PCMTD1: variants seen among roughly 807,000 people sequenced by gnomAD.
PCMTD1 encodes protein-L-isoaspartate (D-aspartate) O-methyltransferase domain containing 1.
In PCMTD1, 12 loss-of-function variants were observed where a neutral mutation model predicts 37.6. The observed-to-expected ratio is 0.32, with a 90% CI of 0.20 to 0.52. PCMTD1 has a LOEUF of 0.52. Among genes scored for constraint, PCMTD1 ranks in the 20% least tolerant of loss-of-function variants. The pLI is 0.97. For missense variants in PCMTD1, 235 were observed against 421.3 expected (o/e 0.56, Z 3.87); for synonymous variants, 117 against 135.8 (o/e 0.86, Z 0.96).
intron 1 of PCMTD1, among the ~76,000 whole-genome samples, chr8:51,894,449 G>C (rs1452479480): frequency 6.6e-6 from 1 of 152,172 alleles, no homozygotes; most frequent in Non-Finnish European, 1.5e-5. Flanking sequence ...AAGAAGACAT[G>C]GTTGGGATTC....
chr8:51,880,385 A>T (rs2038775077), intron 1 of PCMTD1, among the ~76,000 whole-genome samples: 1 of 152,218 alleles, frequency 6.6e-6, no homozygotes, highest in African/African-American at 2.4e-5. Context: ...AACTTATTGA[A>T]AAAGGTATAG....
At chr8:51,892,967 A>T (rs957900874) in intron 1 of PCMTD1, among the ~76,000 whole-genome samples, 4 of 152,248 alleles carry the variant, frequency 2.6e-5, no homozygotes. Context: ...GTATCACTTA[A>T]AATTTGCAAC....
At chr8:51,896,267 T>C (rs2038999441) in intron 1 of PCMTD1, 1 of 152,190 alleles carries the variant, frequency 6.6e-6, no homozygotes, top group Admixed American at 6.5e-5. Context: ...TCCAACTATG[T>C]AGTTGCCACA....
intron 1 of PCMTD1, among the ~76,000 whole-genome samples, chr8:51,863,604 T>C (rs1200750122): frequency 6.6e-6 from 1 of 152,296 alleles, no homozygotes; most frequent in Non-Finnish European, 1.5e-5. Context: ...CTGGCCAGCA[T>C]GGCGAAATCC....
intron 1 of PCMTD1, among the ~76,000 whole-genome samples, chr8:51,870,607 C>CT: frequency 6.6e-6 from 1 of 152,116 alleles, no homozygotes; most frequent in Non-Finnish European, 1.5e-5. Context: ...TGCTCTAGTT[C>CT]TTTACCATAC....
intron 1 of PCMTD1, among the ~76,000 whole-genome samples, chr8:51,878,249 G>GTTTT (rs1563359262): frequency 7.3e-6 from 1 of 137,190 alleles, no homozygotes; most frequent in Non-Finnish European, 1.6e-5. Context: ...TTTTTTTTTT[G>GTTTT]GTTTTTTTTT....
chr8:51,851,005 CTAAG>C (rs1173589387), intron 2 of PCMTD1, among the ~76,000 whole-genome samples: 1 of 152,146 alleles, frequency 6.6e-6, no homozygotes, highest in Non-Finnish European at 1.5e-5. Context: ...CGGCGAAAGG[CTAAG>C]TAATTATTAC....
intron 1 of PCMTD1, among the ~76,000 whole-genome samples, chr8:51,898,513 A>G (rs539488325): frequency 3.3e-5 from 5 of 152,120 alleles, no homozygotes; most frequent in African/African-American, 1.2e-4. Context: ...AAACGGCCCT[A>G]AGGGGCCCGC....
intron 1 of PCMTD1, among the ~76,000 whole-genome samples, chr8:51,883,754 G>C (rs903097139): frequency 1.3e-5 from 2 of 152,118 alleles, no homozygotes; most frequent in Admixed American, 6.5e-5. Flanking sequence ...TTGAATTACT[G>C]TGACAAAAGC....
chr8:51,852,575 A>G (rs775439738), intron 2 of PCMTD1, among the ~76,000 whole-genome samples: 2 of 152,194 alleles, frequency 1.3e-5, no homozygotes, highest in Admixed American at 6.5e-5. Context: ...ATCCCTATAA[A>G]GCGGTATGTA....
chr8:51,834,314 C>T (rs1341706606), intron 3 of PCMTD1, among the ~76,000 whole-genome samples: 7 of 152,186 alleles, frequency 4.6e-5, no homozygotes, highest in Middle Eastern at 3.4e-3. Context: ...GCTTTGGCCC[C>T]GATGATCTCC....
Position 51,856,773 on chromosome 8 carries a change from G to C in PCMTD1, c.307+4072C>G, listed in dbSNP as rs943849327. Among the ~76,000 whole-genome samples, 3 of 152,188 alleles carry C rather than the reference G, an allele frequency of 2.0e-5. No individual in the cohort carries two copies. In the East Asian group the frequency reaches 5.8e-4, roughly 29 times the overall value. Reference sequence around the variant, plus strand: ...GATTCAGAAGACCATATATTGTTATGATTTCATTTATATGAAATGTCCAGA... The same window carrying C: ...GATTCAGAAGACCATATATTGTTATCATTTCATTTATATGAAATGTCCAGA... On this transcript the variant is annotated intron_variant, in intron 2 of 5. Coordinates refer to ENST00000522514, the MANE Select transcript of PCMTD1 (RefSeq NM_052937.4).
chr8:51,833,495 A>C (rs771401997), intron 4 of PCMTD1, 23 bp downstream of exon 4: 1 of 1,581,166 alleles, frequency 6.3e-7, no homozygotes, highest in South Asian at 1.2e-5. Flanking sequence ...TAGGCCACTA[A>C]AGAAAAGGAG....
chr8:51,840,269 T>C (rs1338103551), intron 3 of PCMTD1, among the ~76,000 whole-genome samples: 1 of 152,216 alleles, frequency 6.6e-6, no homozygotes, highest in African/African-American at 2.4e-5. Context: ...CTTTTATTGC[T>C]GAAATTGTAT....
At chr8:51,851,282 G>C (rs1254290627) in intron 2 of PCMTD1, among the ~76,000 whole-genome samples, 1 of 152,140 alleles carries the variant, frequency 6.6e-6, no homozygotes, top group Non-Finnish European at 1.5e-5. Flanking sequence ...GCTCCTCTCA[G>C]TCAATGGCTA....
chr8:51,821,950 T>A (rs1315754947), intron 5 of PCMTD1, among the ~76,000 whole-genome samples: 2 of 152,160 alleles, frequency 1.3e-5, no homozygotes, highest in East Asian at 3.9e-4. Context: ...TTAGTCAGGA[T>A]GGTCTCAATC....
intron 1 of PCMTD1, among the ~76,000 whole-genome samples, chr8:51,879,151 G>A (rs2038756418): frequency 6.6e-6 from 1 of 150,958 alleles, no homozygotes; most frequent in Admixed American, 6.6e-5. Context: ...AAAAAAGCAA[G>A]AACTGAGCAA....
intron 1 of PCMTD1, chr8:51,870,196 T>C (rs2038618534): frequency 6.6e-6 from 1 of 152,188 alleles, no homozygotes; most frequent in Non-Finnish European, 1.5e-5. Flanking sequence ...TGCTCCTTTC[T>C]CTGCAAAACT....
At chr8:51,853,969 A>G (rs773002370) in intron 2 of PCMTD1, among the ~76,000 whole-genome samples, 2 of 152,222 alleles carry the variant, frequency 1.3e-5, no homozygotes, top group African/African-American at 4.8e-5. Flanking sequence ...GGCAGTTCAA[A>G]TAAGTATTAG....
Sources: gnomAD v4.1 joint callset for allele counts (sites outside exome capture counted in the v4.1 genomes callset) on GRCh38, gnomAD v4.1.1 for gene constraint, MANE v1.5 for transcripts, NCBI Gene and HGNC (gene_info 2026-07-23, HGNC 2026-07-21) for gene names.